Variants in RCL1 observed in about 807,000 individuals in gnomAD.
RCL1 encodes RNA 3'-terminal phosphate cyclase-like protein.
A neutral mutation model predicts 42.4 loss-of-function variants in RCL1; 24 were observed. The observed-to-expected ratio is 0.57, with a 90% CI of 0.41 to 0.80. The LOEUF (loss-of-function observed/expected upper bound fraction) is 0.80, where lower values mean the gene tolerates loss of function less well. RCL1 is among the 30% of genes least tolerant of loss of function. RCL1 has a pLI of 0.00. For missense variants in RCL1, 578 were observed against 467.9 expected (o/e 1.24, Z -2.17); for synonymous variants, 228 against 177.3 (o/e 1.29, Z -2.27).
rs1157751935 is a variant in RCL1 at position 4,833,149 on chromosome 9, C to T, written c.385-5C>T. The T allele has an allele frequency of 1.2e-6, 2 of 1,603,388 alleles. No individual in the cohort carries two copies. Among genetic ancestry groups the T allele is most frequent in the East Asian group, 2.2e-5 (1 of 44,850 alleles). The stretch of plus-strand genomic sequence containing the variant: ...AAACTTTTCTTTTCTGAAATAATTT[C>T]ATAGGTTGATGTTCTTAAGGCAACA... On this transcript the variant is annotated splice_region_variant and splice_polypyrimidine_tract_variant and intron_variant, in intron 3 of 8. Transcript: ENST00000381750.
intron 1 of RCL1, among the ~76,000 whole-genome samples, chr9:4,820,737 C>G (rs972053248): frequency 6.6e-6 from 1 of 152,132 alleles, no homozygotes; most frequent in Admixed American, 6.5e-5. Context: ...TTTCTATAAA[C>G]CTAAGTAGAA....
intron 1 of RCL1, among the ~76,000 whole-genome samples, chr9:4,795,325 C>T (rs546006080): frequency 2.6e-5 from 4 of 152,238 alleles, no homozygotes; most frequent in Non-Finnish European, 5.9e-5. Flanking sequence ...TCAGGTGATC[C>T]GCCTGCCTTG....
At chr9:4,793,527 G>T (rs779036538) in intron 1 of RCL1, among the ~76,000 whole-genome samples, 17 of 152,336 alleles carry the variant, frequency 1.1e-4, no homozygotes, top group Non-Finnish European at 1.3e-4. Context: ...TCGCCCCTTC[G>T]CGTCCCTTCG....
intron 8 of RCL1, among the ~76,000 whole-genome samples, chr9:4,853,473 C>T (rs570647251): frequency 1.3e-5 from 2 of 152,306 alleles, no homozygotes; most frequent in African/African-American, 4.8e-5. Context: ...AGGCGCCCGC[C>T]ACCATGCCCG....
At chr9:4,831,805 T>C (rs1816952171) in intron 3 of RCL1, among the ~76,000 whole-genome samples, 1 of 152,260 alleles carries the variant, frequency 6.6e-6, no homozygotes, top group Non-Finnish European at 1.5e-5. Context: ...GGTATTTTTC[T>C]GATATCACAA....
At chr9:4,837,365 A>G (rs1475289578) in intron 5 of RCL1, among the ~76,000 whole-genome samples, 2 of 152,200 alleles carry the variant, frequency 1.3e-5, no homozygotes, top group South Asian at 4.1e-4. Flanking sequence ...TAATAAGTGT[A>G]TAGGAATACA....
Position 4,792,979 on chromosome 9 carries a change from C to A in RCL1, c.-113C>A. ...GACGCGTCTGGGCTGCTGGAGGCAG[C>A]CCGAGCCGCCGCCGTCGGTGTCGCC... On this transcript the variant is annotated 5_prime_UTR_variant, in exon 1 of 9. Transcript: ENST00000381750. 1 of 1,286,854 alleles carries A rather than the reference C, an allele frequency of 7.8e-7. No homozygotes were observed. The highest frequency in any genetic ancestry group is 1.1e-6 in the Non-Finnish European group (1 of 950,636). 79.7% of individuals were successfully genotyped at this position (1,286,854 alleles called of 1,614,324 possible).
intron 1 of RCL1, among the ~76,000 whole-genome samples, chr9:4,815,157 C>T (rs1217375664): frequency 6.6e-6 from 1 of 152,142 alleles, no homozygotes; most frequent in Non-Finnish European, 1.5e-5. Flanking sequence ...GTTCATACCT[C>T]TTATCAGCCT....
chr9:4,827,394 C>A, intron 3 of RCL1: 2 of 645,150 alleles, frequency 3.1e-6, no homozygotes, highest in Non-Finnish European at 2.5e-6. Flanking sequence ...GGCAGCTGAC[C>A]AAAATTTTGG....
chr9:4,832,381 AG>A (rs1816969430), intron 3 of RCL1, among the ~76,000 whole-genome samples: 1 of 152,224 alleles, frequency 6.6e-6, no homozygotes, highest in Admixed American at 6.5e-5. Context: ...TGGCATTCTT[AG>A]GTGAGCTGTT....
chr9:4,813,733 G>A (rs139139335), intron 1 of RCL1, among the ~76,000 whole-genome samples: 102 of 152,242 alleles, frequency 6.7e-4, no homozygotes, highest in African/African-American at 2.3e-3. Context: ...AAAGACACAC[G>A]CACACGTATG....
intron 1 of RCL1, among the ~76,000 whole-genome samples, chr9:4,793,731 G>A (rs1325973388): frequency 6.6e-6 from 1 of 152,148 alleles, no homozygotes; most frequent in African/African-American, 2.4e-5. Context: ...TGATTTCTCG[G>A]CTGCCCTCAC....
At chr9:4,810,361 A>T (rs539226481) in intron 1 of RCL1, among the ~76,000 whole-genome samples, 1 of 152,280 alleles carries the variant, frequency 6.6e-6, no homozygotes, top group Admixed American at 6.5e-5. Flanking sequence ...CTGCCAAGGT[A>T]AGCATTAAAT....
intron 8 of RCL1, 51 bp from the exon 9 acceptor site, chr9:4,860,074 T>G: frequency 2.2e-6 from 3 of 1,342,822 alleles, no homozygotes; most frequent in Non-Finnish European, 3.0e-6. Flanking sequence ...AGGATAATTT[T>G]TTTTTGAATG....
chr9:4,844,321 G>C (rs1002150985), intron 6 of RCL1, among the ~76,000 whole-genome samples: 1 of 152,144 alleles, frequency 6.6e-6, no homozygotes, highest in South Asian at 2.1e-4. Context: ...TTAAAATTTT[G>C]TGGAGAGATG....
rs118033263 is a variant in RCL1 at position 4,819,172 on chromosome 9, G to A, written c.137-4376G>A. Among the ~76,000 whole-genome samples, 562 of 152,330 alleles carry A rather than the reference G, an allele frequency of 3.7e-3. 26 individuals carry two copies. In the East Asian group the frequency reaches 0.084, roughly 23 times the overall value. ...GGGTCCTCAACCCCAGACAGGGCAG[G>A]GTTGGCAGAATGGTTGAAGGATGAA... On this transcript the variant is annotated intron_variant, in intron 1 of 8. Transcript: ENST00000381750.
rs144752091 is a variant in RCL1 at position 4,844,584 on chromosome 9, C to G, written c.770C>G (p.Ala257Gly). The change falls in exon 7 of 9, where the codon GCT (alanine) becomes GGT (glycine). Residue 257 changes from alanine (A) to glycine (G), a missense_variant. Ala to Gly is a moderately conservative substitution (Grantham distance 60, BLOSUM62 0). Coordinates refer to ENST00000381750, the MANE Select transcript of RCL1 (RefSeq NM_005772.5). ...AETTSGTFLS[A>G]ELASNPQGQG... ...ACCACCAGTGGCACCTTCCTCAGTG[C>G]TGAACTGGCCTCCAACCCCCAGGGC... 6.4e-5 allele frequency: 104 copies of G among 1,613,888 alleles called. No homozygotes were observed. Among genetic ancestry groups the G allele is most frequent in the Non-Finnish European group, 8.6e-5 (101 of 1,179,946 alleles).
intron 3 of RCL1, 66 bp downstream of exon 3, chr9:4,827,099 G>GA: frequency 3.1e-6 from 5 of 1,606,752 alleles, no homozygotes; most frequent in Non-Finnish European, 4.3e-6. Context: ...CAACTTGTGA[G>GA]AAAAAAGTTC....
At position 4,834,134 on chromosome 9, in the gene RCL1, T is replaced by A; in HGVS notation, c.460-7T>A. 1 of 1,611,904 alleles carries A rather than the reference T, an allele frequency of 6.2e-7. No homozygotes were observed. The highest frequency in any genetic ancestry group is 8.5e-7 in the Non-Finnish European group (1 of 1,178,786). On this transcript the variant is annotated splice_polypyrimidine_tract_variant and splice_region_variant and intron_variant, in intron 4 of 8. Coordinates refer to ENST00000381750, the MANE Select transcript of RCL1 (RefSeq NM_005772.5). ...TCCTCGCCTCATCTTTCTCACTCTC[T>A]GTGTAGATTGTGCGACGGGGAATGC...
Sources: allele counts gnomAD v4.1 joint callset (sites outside exome capture counted in the v4.1 genomes callset), GRCh38; gene constraint gnomAD v4.1.1; transcripts MANE v1.5; gene names NCBI Gene and HGNC (gene_info 2026-07-23, HGNC 2026-07-21).